The following FBXO36 variants were observed in gnomAD, a reference collection of about 807,000 sequenced individuals.
FBXO36 encodes F-box protein 36.
Under a neutral mutation model 17.0 loss-of-function variants are expected in FBXO36, and 18 were observed. That is an observed-to-expected ratio of 1.06 (90% CI 0.73 to 1.57). The LOEUF (loss-of-function observed/expected upper bound fraction) is 1.57. FBXO36 is among the 40% of genes most tolerant of loss of function. The pLI is 0.00. For synonymous variants in FBXO36, 83 were observed against 85.3 expected (o/e 0.97, Z 0.15); for missense variants, 229 against 221.9 (o/e 1.03, Z -0.20).
intron 1 of FBXO36, among the ~76,000 whole-genome samples, chr2:229,974,598 C>T (rs2077198026): frequency 6.6e-6 from 1 of 152,116 alleles, no homozygotes; most frequent in African/African-American, 2.4e-5. Context: ...AGAGGCAAGC[C>T]CAGCAATGTA....
At chr2:229,930,048 CA>C (rs1304232956) in intron 1 of FBXO36, among the ~76,000 whole-genome samples, 1 of 151,754 alleles carries the variant, frequency 6.6e-6, no homozygotes, top group Non-Finnish European at 1.5e-5. Flanking sequence ...CTCATCTCTA[CA>C]AAAAAATCTA....
intron 1 of FBXO36, among the ~76,000 whole-genome samples, chr2:229,972,804 C>T (rs1391119965): frequency 7.2e-5 from 11 of 152,064 alleles, no homozygotes; most frequent in Admixed American, 7.2e-4. Flanking sequence ...TGGCTCGCGC[C>T]TGTAATTCCA....
intron 1 of FBXO36, among the ~76,000 whole-genome samples, chr2:229,973,679 C>G (rs1288395932): frequency 2.7e-5 from 4 of 149,560 alleles, no homozygotes; most frequent in Non-Finnish European, 5.9e-5. Context: ...TGAGATCGCA[C>G]CACTGCACTC....
chr2:229,932,038 C>A (rs895304525), intron 1 of FBXO36, among the ~76,000 whole-genome samples: 1 of 151,726 alleles, frequency 6.6e-6, no homozygotes, highest in South Asian at 2.1e-4. Context: ...CACTTTAGCC[C>A]CCTGAAAATA....
chr2:229,948,054 T>C (rs1560436496), intron 1 of FBXO36, among the ~76,000 whole-genome samples: 1 of 152,156 alleles, frequency 6.6e-6, no homozygotes, highest in Non-Finnish European at 1.5e-5. Flanking sequence ...ATCCCAGCAC[T>C]TTGGGAGGCC....
intron 1 of FBXO36, among the ~76,000 whole-genome samples, chr2:229,942,402 A>G (rs1375751198): frequency 6.6e-6 from 1 of 151,580 alleles, no homozygotes; most frequent in African/African-American, 2.4e-5. Context: ...GTGTGTCTTT[A>G]CCTACCCTGC....
chr2:229,988,421 C>T (rs1577357008), intron 2 of FBXO36, among the ~76,000 whole-genome samples: 2 of 152,300 alleles, frequency 1.3e-5, no homozygotes, highest in South Asian at 4.1e-4. Context: ...GTTTTTTACA[C>T]AAATAGCATT....
In FBXO36 at chr2:229,993,193, T is replaced by C. The variant is rs571644952; in HGVS notation, c.206-3558T>C. Among the ~76,000 whole-genome samples, 17 of 152,274 alleles carry C rather than the reference T, an allele frequency of 1.1e-4. No individual in the cohort carries two copies. The East Asian group carries it at 3.3e-3, about 29-fold the overall frequency. On this transcript the variant is annotated intron_variant, in intron 2 of 3. Coordinates refer to ENST00000283946, the MANE Select transcript of FBXO36 (RefSeq NM_174899.5). The stretch of plus-strand genomic sequence containing the variant: ...AATGGCCCTGCAAAGCTGTTCTTTG[T>C]GGGGGAAAATTTGTATCTGTAAAGA...
intron 3 of FBXO36, among the ~76,000 whole-genome samples, chr2:229,997,901 G>C (rs1183057616): frequency 6.6e-6 from 1 of 152,148 alleles, no homozygotes; most frequent in African/African-American, 2.4e-5. Context: ...TAACCCTTCT[G>C]TTGTTCCTTC....
rs572839545 is a variant in FBXO36 at position 229,977,951 on chromosome 2, C to T, written c.205+1602C>T. On this transcript the variant is annotated intron_variant, in intron 2 of 3. Transcript: ENST00000283946. ...CTTCGACTAAACTCTTTAATAATTA[C>T]TCCTTAAAAATAAAAATTTGCCAGG... Among the ~76,000 whole-genome samples, 3 of 152,050 alleles carry T rather than the reference C, an allele frequency of 2.0e-5. No homozygotes were observed. The South Asian group carries it at 6.2e-4, about 32-fold the overall frequency.
intron 2 of FBXO36, among the ~76,000 whole-genome samples, chr2:229,991,038 C>T (rs1346090610): frequency 1.3e-5 from 2 of 151,670 alleles, no homozygotes; most frequent in African/African-American, 4.8e-5. Flanking sequence ...CACCTCAAAG[C>T]AATTCTTCCA....
At chr2:229,934,055 T>G (rs2076952272) in intron 1 of FBXO36, among the ~76,000 whole-genome samples, 1 of 151,914 alleles carries the variant, frequency 6.6e-6, no homozygotes, top group Non-Finnish European at 1.5e-5. Flanking sequence ...AAATTCTAAG[T>G]AAAACAAAAT....
intron 3 of FBXO36, among the ~76,000 whole-genome samples, chr2:230,002,453 A>G (rs1350195302): frequency 6.6e-6 from 1 of 151,228 alleles, no homozygotes; most frequent in Non-Finnish European, 1.5e-5. Context: ...GCATGATTAC[A>G]GCTCACTGCA....
intron 3 of FBXO36, among the ~76,000 whole-genome samples, chr2:229,997,315 C>T (rs997767809): frequency 6.6e-6 from 1 of 151,294 alleles, no homozygotes; most frequent in Non-Finnish European, 1.5e-5. Context: ...AGCATAGTGG[C>T]GTAAGAGAAT....
chr2:229,933,293 C>T (rs1298759187), intron 1 of FBXO36, among the ~76,000 whole-genome samples: 1 of 151,888 alleles, frequency 6.6e-6, no homozygotes, highest in African/African-American at 2.4e-5. Context: ...GAGACTGAGG[C>T]AGGAGAATCA....
intron 1 of FBXO36, among the ~76,000 whole-genome samples, chr2:229,964,099 A>G (rs1456054515): frequency 6.6e-6 from 1 of 152,082 alleles, no homozygotes; most frequent in African/African-American, 2.4e-5. Context: ...TCTTTATACA[A>G]ACTCTTTAGG....
At chr2:229,954,765 A>T (rs1338835503) in intron 1 of FBXO36, among the ~76,000 whole-genome samples, 12 of 134,642 alleles carry the variant, frequency 8.9e-5, no homozygotes, top group East Asian at 2.2e-4. Flanking sequence ...GCCAGGATGG[A>T]CTCAATCTCC....
intron 1 of FBXO36, among the ~76,000 whole-genome samples, chr2:229,961,368 CTATTT>C (rs373410256): frequency 2.3e-3 from 348 of 151,930 alleles, no homozygotes; most frequent in African/African-American, 8.1e-3. Context: ...TTTTCACACA[CTATTT>C]TATTTTATTT....
intron 1 of FBXO36, among the ~76,000 whole-genome samples, chr2:229,926,345 C>T (rs967353262): frequency 6.6e-6 from 1 of 151,698 alleles, no homozygotes; most frequent in Admixed American, 6.6e-5. Context: ...GCAGGAGAAT[C>T]GCTTGAACCC....
Sources: allele counts gnomAD v4.1 joint callset (sites outside exome capture counted in the v4.1 genomes callset), GRCh38; gene constraint gnomAD v4.1.1; transcripts MANE v1.5; gene names NCBI Gene and HGNC (gene_info 2026-07-23, HGNC 2026-07-21).